The following SSUH2 variants were observed in gnomAD, a reference collection of about 807,000 sequenced individuals.
The protein encoded by SSUH2 is protein SSUH2 homolog.
SSUH2 carries 47 observed loss-of-function variants against 55.3 expected under a neutral mutation model. The observed-to-expected ratio is 0.85, with a 90% CI of 0.67 to 1.08. SSUH2 has a LOEUF of 1.08. Among genes scored for constraint, SSUH2 ranks in the 50% least tolerant of loss-of-function variants. The probability of loss-of-function intolerance (pLI) is 0.00; values close to 1 mark genes in which losing one functional copy is unlikely to be tolerated. For synonymous variants in SSUH2, 212 were observed against 191.5 expected (o/e 1.11, Z -0.89); for missense variants, 535 against 490.7 (o/e 1.09, Z -0.85).
intron 5 of SSUH2, among the ~76,000 whole-genome samples, chr3:8,665,878 C>A (rs1032497629): frequency 6.6e-6 from 1 of 152,054 alleles, no homozygotes; most frequent in African/African-American, 2.4e-5. Context: ...CAATGAAGAT[C>A]ATTTTCAACA....
chr3:8,676,166 T>C (rs1705234383), intron 3 of SSUH2, among the ~76,000 whole-genome samples: 1 of 151,888 alleles, frequency 6.6e-6, no homozygotes, highest in African/African-American at 2.4e-5. Flanking sequence ...AGTAATATCA[T>C]CTCCCCCTCT....
At chr3:8,629,553 G>A in intron 7 of SSUH2, 111 bp downstream of exon 7, 1 of 905,886 alleles carries the variant, frequency 1.1e-6, no homozygotes, top group East Asian at 2.5e-5. Context: ...ACTTGGCTGA[G>A]ATGACACAGT....
At chr3:8,643,887 G>A (rs1701291511) in intron 1 of SSUH2, among the ~76,000 whole-genome samples, 1 of 152,142 alleles carries the variant, frequency 6.6e-6, no homozygotes, top group Non-Finnish European at 1.5e-5. Flanking sequence ...GCAGCTCAGA[G>A]AGGTTAAGTG....
At chr3:8,669,638 C>T (rs1276878893) in intron 5 of SSUH2, among the ~76,000 whole-genome samples, 1 of 152,210 alleles carries the variant, frequency 6.6e-6, no homozygotes, top group Admixed American at 6.5e-5. Context: ...GCTAACATCA[C>T]CAGCAACAGA....
chr3:8,626,095 TCCC>T, intron 9 of SSUH2, 131 bp downstream of exon 9: 1 of 721,550 alleles, frequency 1.4e-6, no homozygotes, highest in East Asian at 2.5e-5. Context: ...AAGGGAATTC[TCCC>T]CCTTCTAAGT....
chr3:8,621,493 T>C (rs1696422275), intron 11 of SSUH2, among the ~76,000 whole-genome samples: 1 of 152,152 alleles, frequency 6.6e-6, no homozygotes, highest in African/African-American at 2.4e-5. Flanking sequence ...CAGGCCCCTG[T>C]TCTGTCAGAG....
At position 8,627,607 on chromosome 3, in the gene SSUH2, A is replaced by G. The variant is rs186261883; in HGVS notation, c.674+91T>C. 47 of 1,109,506 alleles carry G rather than the reference A, an allele frequency of 4.2e-5. No homozygotes were observed. The East Asian group carries it at 1.1e-3, about 25-fold the overall frequency. 68.7% of individuals were successfully genotyped at this position (1,109,506 alleles called of 1,614,324 possible). A position where few individuals can be genotyped will look rare whatever the true frequency, so the allele number is the denominator to read the frequency against. On this transcript the variant is annotated intron_variant, in intron 8 of 11. Transcript: ENST00000544814. ...TCTGGGGACACAGCAGTGACGAGAC[A>G]GATGGGTTCCTGTTTGCCTTCCAGA...
chr3:8,628,166 T>A (rs1459805866), intron 7 of SSUH2, among the ~76,000 whole-genome samples: 3 of 152,150 alleles, frequency 2.0e-5, no homozygotes, highest in Middle Eastern at 3.4e-3. Flanking sequence ...TAGGCTGTGC[T>A]CCCAGTTGGG....
chr3:8,634,327 C>A, intron 3 of SSUH2: 1 of 1,219,152 alleles, frequency 8.2e-7, no homozygotes, highest in South Asian at 1.3e-5. Flanking sequence ...GGACCCTAAC[C>A]TCGGCCCTCT....
chr3:8,656,862 G>GGTTTGTTTGTTT (rs60486079), intron 7 of SSUH2, among the ~76,000 whole-genome samples: 12 of 149,936 alleles, frequency 8.0e-5, no homozygotes, highest in South Asian at 2.1e-4. Flanking sequence ...TTCATTTTTT[G>GGTTTGTTTGTTT]GTTTGTTTGT....
chr3:8,675,623 A>G (rs957792157), intron 3 of SSUH2, among the ~76,000 whole-genome samples: 1 of 152,160 alleles, frequency 6.6e-6, no homozygotes, highest in African/African-American at 2.4e-5. Context: ...TTTGCAATCT[A>G]GCGGAGTCTA....
At position 8,679,283 on chromosome 3, in the gene SSUH2, A is replaced by AG. The variant is rs769882848; in HGVS notation, c.-901+421dup. Among the ~76,000 whole-genome samples the AG allele has an allele frequency of 6.4e-4, 45 of 70,262 alleles. 12 individuals carry two copies. Among genetic ancestry groups the AG allele is most frequent in the Non-Finnish European group, 1.2e-3 (39 of 31,842 alleles). 46.1% of individuals were successfully genotyped at this position (70,262 alleles called of 152,430 possible). A position where few individuals can be genotyped will look rare whatever the true frequency, so the allele number is the denominator to read the frequency against. Reference sequence around the variant, plus strand: ...CCCTGGCTTTTAGGACCCCCATCGGAGGGGGGGAGCCACCCCCCATGAGGC... The same window carrying AG: ...CCCTGGCTTTTAGGACCCCCATCGGAGGGGGGGGAGCCACCCCCCATGAGGC... On this transcript the variant is annotated intron_variant, in intron 2 of 18. Coordinates refer to the SSUH2 transcript ENST00000317371.
chr3:8,670,862 T>C (rs1354203095), intron 5 of SSUH2: 1 of 195,428 alleles, frequency 5.1e-6, no homozygotes, highest in Non-Finnish European at 1.1e-5. Context: ...TCCCAGGATG[T>C]AGAGCCCTGG....
intron 4 of SSUH2, chr3:8,671,854 TC>T (rs1704614151): frequency 7.0e-6 from 1 of 142,520 alleles, no homozygotes. Context: ...GGCGGGCGCC[TC>T]CCGCGATGCG....
Position 8,629,657 on chromosome 3 carries a change from G to T in SSUH2, c.588+7C>A. 1 of 1,614,084 alleles carries T rather than the reference G, an allele frequency of 6.2e-7. No individual in the cohort carries two copies. ...ACTGACTCACCAGTGGTTCACAGAT[G>T]ACTCACCGTGCCCGCCCCGTGGCAG... On this transcript the variant is annotated splice_region_variant and intron_variant, in intron 7 of 11. Coordinates refer to ENST00000544814, the MANE Select transcript of SSUH2 (RefSeq NM_001256748.3).
At chr3:8,659,570 T>A (rs1388167518) in intron 6 of SSUH2, 1 of 331,362 alleles carries the variant, frequency 3.0e-6, no homozygotes. Flanking sequence ...CCCAAGTCCA[T>A]ATCATGTCTT....
Position 8,627,604 on chromosome 3 carries a change from G to T in SSUH2, c.674+94C>A, listed in dbSNP as rs916912268. 5.6e-6 allele frequency: 6 copies of T among 1,078,104 alleles called. No individual in the cohort carries two copies. In the Admixed American group the frequency reaches 7.7e-5, roughly 14 times the overall value. 66.8% of individuals were successfully genotyped at this position (1,078,104 alleles called of 1,614,324 possible). A position where few individuals can be genotyped will look rare whatever the true frequency, so the allele number is the denominator to read the frequency against. On this transcript the variant is annotated intron_variant, in intron 8 of 11. Transcript: ENST00000544814. ...AGCTCTGGGGACACAGCAGTGACGAGACAGATGGGTTCCTGTTTGCCTTCC... is the reference window on the plus strand; with the variant it reads ...AGCTCTGGGGACACAGCAGTGACGATACAGATGGGTTCCTGTTTGCCTTCC...
In SSUH2 at chr3:8,619,654, A is replaced by G. The variant is rs1696023006; in HGVS notation, c.*214T>C. ...TGTTCTACAGGAATGTGTATAGCTG[A>G]ATTATTGTAGGTTAAACATATGAGT... is the stretch of plus-strand genomic sequence containing the variant. On this transcript the variant is annotated 3_prime_UTR_variant, in exon 12 of 12. Coordinates refer to ENST00000544814, the MANE Select transcript of SSUH2 (RefSeq NM_001256748.3). The G allele has an allele frequency of 2.0e-6, 1 of 494,106 alleles. No individual in the cohort carries two copies. The highest frequency in any genetic ancestry group is 3.5e-6 in the Non-Finnish European group (1 of 284,158). 30.6% of individuals were successfully genotyped at this position (494,106 alleles called of 1,614,324 possible).
At chr3:8,640,531 A>G (rs1700651982) in intron 1 of SSUH2, among the ~76,000 whole-genome samples, 1 of 152,220 alleles carries the variant, frequency 6.6e-6, no homozygotes. Context: ...CCACATGCCA[A>G]GGAAAAGCCT....
Sources: allele counts gnomAD v4.1 joint callset (sites outside exome capture counted in the v4.1 genomes callset), GRCh38; gene constraint gnomAD v4.1.1; transcripts MANE v1.5; gene names NCBI Gene and HGNC (gene_info 2026-07-23, HGNC 2026-07-21).